Variants in BCLAF1 observed in about 807,000 individuals in gnomAD.
BCLAF1 encodes BCL2 associated transcription factor 1.
In BCLAF1, 10 loss-of-function variants were observed where a neutral mutation model predicts 99.5. The ratio of observed to expected loss-of-function variants is 0.10; its 90% CI spans 0.06 to 0.17. BCLAF1 has a LOEUF of 0.17. BCLAF1 is among the 10% of genes least tolerant of loss of function. The pLI is 1.00. For missense variants in BCLAF1, 636 were observed against 1,105.8 expected (o/e 0.58, Z 6.02); for synonymous variants, 255 against 370.9 (o/e 0.69, Z 3.59).
In BCLAF1 at chr6:136,278,994, AACACACAC is replaced by A. The variant is rs71006795; in HGVS notation, c.105-226_105-219del. On this transcript the variant is annotated intron_variant, in intron 3 of 12. Coordinates refer to ENST00000531224, the MANE Select transcript of BCLAF1 (RefSeq NM_014739.3). ...AAAGACCTTACAAATGAAGGCACAA[AACACACAC>A]ACACACACACACACACACACACACG... Among the ~76,000 whole-genome samples the A allele has an allele frequency of 4.8e-4, 70 of 145,490 alleles. No homozygotes were observed. In the South Asian group the frequency reaches 9.7e-3, roughly 20 times the overall value.
chr6:136,273,851 A>G, intron 6 of BCLAF1: 1 of 549,584 alleles, frequency 1.8e-6, no homozygotes, highest in Non-Finnish European at 2.5e-6. Flanking sequence ...CCAGTTCAAG[A>G]TATGTTGTAA....
chr6:136,261,818 T>C (rs970976926), intron 11 of BCLAF1, among the ~76,000 whole-genome samples: 57 of 152,102 alleles, frequency 3.7e-4, no homozygotes, highest in African/African-American at 1.4e-3. Flanking sequence ...TTACACCAAA[T>C]GCAATGAGAT....
intron 9 of BCLAF1, chr6:136,269,170 G>T: frequency 1.5e-6 from 2 of 1,297,052 alleles, no homozygotes; most frequent in East Asian, 3.8e-5. Flanking sequence ...GCACTGCATT[G>T]AAGTCCAACC....
chr6:136,274,127 A>G, intron 6 of BCLAF1: 1 of 1,288,928 alleles, frequency 7.8e-7, no homozygotes, highest in Non-Finnish European at 1.0e-6. Context: ...CTTTGCCTGT[A>G]TCTTTCAACA....
intron 11 of BCLAF1, among the ~76,000 whole-genome samples, chr6:136,266,250 C>T (rs578149398): frequency 6.6e-6 from 1 of 152,038 alleles, no homozygotes; most frequent in Admixed American, 6.6e-5. Flanking sequence ...TTCCTCAAGT[C>T]CAATACAATC....
At chr6:136,279,227 G>A (rs1784031132) in intron 3 of BCLAF1, among the ~76,000 whole-genome samples, 4 of 151,932 alleles carry the variant, frequency 2.6e-5, no homozygotes, top group Admixed American at 2.6e-4. Flanking sequence ...GCCTGGTGGG[G>A]GAAAAAGAAT....
chr6:136,271,695 G>A (rs1208741157), intron 8 of BCLAF1, among the ~76,000 whole-genome samples: 1 of 151,790 alleles, frequency 6.6e-6, no homozygotes, highest in Non-Finnish European at 1.5e-5. Context: ...ATTCTAATTT[G>A]TATCTTTGAT....
intron 4 of BCLAF1, among the ~76,000 whole-genome samples, chr6:136,277,107 T>G (rs888720631): frequency 7.9e-5 from 12 of 152,244 alleles, no homozygotes; most frequent in African/African-American, 2.9e-4. Flanking sequence ...TTTCCTCTAT[T>G]TTCTCACTTT....
intron 7 of BCLAF1, 74 bp downstream of exon 7, chr6:136,273,008 C>A: frequency 9.5e-7 from 1 of 1,051,448 alleles, no homozygotes; most frequent in Non-Finnish European, 1.4e-6. Flanking sequence ...AACAAACTTC[C>A]AATACAATCT....
At chr6:136,284,283 T>C (rs1199910669) in intron 1 of BCLAF1, among the ~76,000 whole-genome samples, 2 of 151,858 alleles carry the variant, frequency 1.3e-5, no homozygotes, top group East Asian at 3.9e-4. Context: ...CCAGTGGATA[T>C]ACATTCCTGT....
rs766974371 is a variant in BCLAF1 at position 136,267,093 on chromosome 6, T to A, written c.2480A>T (p.Gln827Leu). The A allele has an allele frequency of 1.2e-6, 2 of 1,613,180 alleles. No individual in the cohort carries two copies. The highest frequency in any genetic ancestry group is 1.3e-5 in the African/African-American group (1 of 74,836). The change falls in exon 11 of 13, where the codon CAA (glutamine) becomes CTA (leucine). Residue 827 changes from glutamine to leucine, a missense_variant. Coordinates refer to ENST00000531224, the MANE Select transcript of BCLAF1 (RefSeq NM_014739.3). ...TGPNNSNTTF[Q>L]KRPKEEEWDP... ...CCATTCCTCTTCCTTCGGTCTCTTT[T>A]GAAAAGTAGTATTTGAGTTGTTTGG... is the stretch of plus-strand genomic sequence containing the variant.
At chr6:136,271,073 A>T (rs1018999168) in intron 8 of BCLAF1, among the ~76,000 whole-genome samples, 1 of 151,762 alleles carries the variant, frequency 6.6e-6, no homozygotes, top group African/African-American at 2.4e-5. Flanking sequence ...GTATACTACC[A>T]CTGTCCATAA....
chr6:136,264,293 A>G (rs2128467660), intron 11 of BCLAF1, among the ~76,000 whole-genome samples: 1 of 152,116 alleles, frequency 6.6e-6, no homozygotes, highest in Non-Finnish European at 1.5e-5. Flanking sequence ...TGCAACCTCC[A>G]CCACTTGGGT....
At chr6:136,275,738 T>C (rs1189253704) in intron 5 of BCLAF1, 37 bp from the exon 6 acceptor site, 2 of 1,561,682 alleles carry the variant, frequency 1.3e-6, no homozygotes, top group East Asian at 2.2e-5. Flanking sequence ...ACACAAAATA[T>C]ACCATTGGTT....
In BCLAF1 at chr6:136,273,241, T is replaced by G. The variant is rs1410771063; in HGVS notation, c.1853-54A>C. The G allele has an allele frequency of 1.9e-5, 28 of 1,496,708 alleles. No individual in the cohort carries two copies. The Admixed American group carries it at 2.1e-4, about 11-fold the overall frequency. 92.7% of individuals were successfully genotyped at this position (1,496,708 alleles called of 1,614,324 possible). A position where few individuals can be genotyped will look rare whatever the true frequency, so the allele number is the denominator to read the frequency against. On this transcript the variant is annotated intron_variant, in intron 6 of 12. Coordinates refer to ENST00000531224, the MANE Select transcript of BCLAF1 (RefSeq NM_014739.3). ...TTAGTTAACTTTACTTTAAGAGAGA[T>G]TTGTTTGTGACAGAAGGGCATGTAG...
intron 1 of BCLAF1, among the ~76,000 whole-genome samples, chr6:136,283,869 A>G (rs867975474): frequency 1.2e-4 from 18 of 152,250 alleles, no homozygotes; most frequent in Middle Eastern, 3.4e-3. Flanking sequence ...TCAAAAAGCC[A>G]AGCAAGATTG....
chr6:136,256,966 A>G lies in BCLAF1; in HGVS notation c.*4144T>C, dbSNP rs1246697626. On this transcript the variant is annotated 3_prime_UTR_variant, in exon 13 of 13. Coordinates refer to ENST00000531224, the MANE Select transcript of BCLAF1 (RefSeq NM_014739.3). ...AACACAGTTCAAGCTGTGATTATAA[A>G]TCATTTCACACCACCTAAACATACA... The G allele has an allele frequency of 6.6e-6, 1 of 152,238 alleles. No homozygotes were observed. Among genetic ancestry groups the G allele is most frequent in the Non-Finnish European group, 1.5e-5 (1 of 68,038 alleles). The allele number at this position is 152,238 out of a possible 1,614,324, so 9.4% of individuals were successfully genotyped here.
At position 136,281,531 on chromosome 6, in the gene BCLAF1, G is replaced by A. The variant is rs140810117; in HGVS notation, c.-11+1053C>T. Among the ~76,000 whole-genome samples the A allele has an allele frequency of 8.3e-3, 1,266 of 152,186 alleles. 10 individuals are homozygous for A. The highest frequency in any genetic ancestry group is 0.013 in the Non-Finnish European group (901 of 68,014). ...TACGTAATTTACATTCATTCTGATC[G>A]AATTTACTTCAAGATATTTATTTTT... On this transcript the variant is annotated intron_variant, in intron 2 of 12. Transcript: ENST00000531224.
intron 6 of BCLAF1, chr6:136,273,434 C>T (rs1440624193): frequency 2.6e-6 from 1 of 385,738 alleles, no homozygotes; most frequent in Non-Finnish European, 4.7e-6. Flanking sequence ...TAGATTAAAT[C>T]AAGAGTCTCT....
Sources: allele counts gnomAD v4.1 joint callset (sites outside exome capture counted in the v4.1 genomes callset), GRCh38; gene constraint gnomAD v4.1.1; transcripts MANE v1.5; gene names NCBI Gene and HGNC (gene_info 2026-07-23, HGNC 2026-07-21).